Variants in BACH1 observed in about 807,000 individuals in gnomAD.
The protein encoded by BACH1 is BTB domain and CNC homolog 1, also known as transcription regulator protein BACH1.
A neutral mutation model predicts 52.9 loss-of-function variants in BACH1; 35 were observed. The observed-to-expected ratio is 0.66, with a 90% CI of 0.51 to 0.88. The LOEUF (loss-of-function observed/expected upper bound fraction) is 0.88, where lower values mean the gene tolerates loss of function less well. Among genes scored for constraint, BACH1 ranks in the 40% least tolerant of loss-of-function variants. BACH1 has a pLI of 0.00. For synonymous variants in BACH1, 321 were observed against 319.6 expected, an observed-to-expected ratio of 1.00 and a Z score of -0.05; for missense variants, 808 against 872.6, an observed-to-expected ratio of 0.93 and a Z score of 0.93.
chr21:29,355,039 CT>C (rs1217194221), intron 2 of BACH1, among the ~76,000 whole-genome samples: 13 of 152,316 alleles, frequency 8.5e-5, no homozygotes, highest in South Asian at 2.1e-4. Flanking sequence ...AAAGAAAAAG[CT>C]TCCACAGCAT....
chr21:29,340,736 C>G (rs533647118), intron 4 of BACH1, among the ~76,000 whole-genome samples: 1 of 152,102 alleles, frequency 6.6e-6, no homozygotes, highest in Non-Finnish European at 1.5e-5. Context: ...TTGTTTTCAT[C>G]CTCCTTTGGA....
intron 4 of BACH1, among the ~76,000 whole-genome samples, chr21:29,330,188 G>A (rs1177505152): frequency 6.6e-6 from 1 of 152,112 alleles, no homozygotes; most frequent in Non-Finnish European, 1.5e-5. Context: ...TTTTTGAGAT[G>A]GAGTCTTGCT....
At chr21:29,352,547 G>A (rs949924779) in intron 2 of BACH1, 3 of 151,896 alleles carry the variant, frequency 2.0e-5, no homozygotes, top group Non-Finnish European at 4.4e-5. Flanking sequence ...TCACCGCATT[G>A]AATGCCTTCT....
At position 29,321,354 on chromosome 21, in the gene BACH1, A is replaced by G; in HGVS notation, c.74A>G (p.Asn25Ser). ...AGCACCAATGTTTTACTCAGCCTTAATGACCAGCGGAAGAAAGATGTGCTG... is the reference window on the plus strand; with the variant it reads ...AGCACCAATGTTTTACTCAGCCTTAGTGACCAGCGGAAGAAAGATGTGCTG... ...VHSTNVLLSL[N>S]DQRKKDVLCD... The change falls in exon 2 of 5, where the codon AAT (asparagine) becomes AGT (serine). Residue 25 changes from asparagine (N) to serine (S), a missense_variant. Physicochemically the swap from Asn to Ser is conservative, Grantham distance 46. Coordinates refer to ENST00000286800, the MANE Select transcript of BACH1 (RefSeq NM_001186.4). 1 of 1,614,202 alleles carries G rather than the reference A, an allele frequency of 6.2e-7. No homozygotes were observed. Among genetic ancestry groups the G allele is most frequent in the Non-Finnish European group, 8.5e-7 (1 of 1,180,032 alleles).
At position 29,326,075 on chromosome 21, in the gene BACH1, T is replaced by C. The variant is rs1482992879; in HGVS notation, c.251T>C (p.Phe84Ser). The change falls in exon 3 of 5, where the codon TTT (phenylalanine) becomes TCT (serine). Residue 84 changes from phenylalanine to serine, a missense_variant. Phe to Ser is a radical substitution (Grantham distance 155, BLOSUM62 -2). Transcript: ENST00000286800. ...TLPEEVTVKG[F>S]EPLIQFAYTA... ...TATCAACAGGTGACAGTTAAAGGATTTGAACCTTTAATTCAGTTTGCCTAC... is the reference window on the plus strand; with the variant it reads ...TATCAACAGGTGACAGTTAAAGGATCTGAACCTTTAATTCAGTTTGCCTAC... 6.2e-7 allele frequency: 1 copy of C among 1,607,472 alleles called. No individual in the cohort carries two copies. The highest frequency in any genetic ancestry group is 8.5e-7 in the Non-Finnish European group (1 of 1,177,294).
chr21:29,338,462 T>A (rs1207577584), intron 4 of BACH1, among the ~76,000 whole-genome samples: 2 of 152,120 alleles, frequency 1.3e-5, no homozygotes, highest in South Asian at 2.1e-4. Flanking sequence ...CAGCCTTGAC[T>A]TCTTGGGATC....
intron 1 of BACH1, among the ~76,000 whole-genome samples, chr21:29,318,285 A>G (rs971473954): frequency 6.6e-6 from 1 of 152,132 alleles, no homozygotes; most frequent in Non-Finnish European, 1.5e-5. Context: ...CGATGGAGAG[A>G]GGTGGACCCC....
At chr21:29,355,244 C>T (rs2123491713) in intron 2 of BACH1, among the ~76,000 whole-genome samples, 1 of 152,184 alleles carries the variant, frequency 6.6e-6, no homozygotes, top group South Asian at 2.1e-4. Flanking sequence ...ACACAGAGTG[C>T]TGATTGGTCC....
Position 29,342,597 on chromosome 21 carries a change from A to C in BACH1, c.1975A>C (p.Thr659Pro), listed in dbSNP as rs1037146648. The C allele has an allele frequency of 5.6e-6, 9 of 1,614,208 alleles. No individual in the cohort carries two copies. Among genetic ancestry groups the C allele is most frequent in the Non-Finnish European group, 7.6e-6 (9 of 1,180,042 alleles). The stretch of plus-strand genomic sequence containing the variant: ...TTTAATTTCTGAAAAAGATAAAAGT[A>C]CTCCTGATGGTGAACTGGCGTTACC... ...SFLISEKDKS[T>P]PDGELALPSI... Residue 659 changes from threonine to proline, a missense_variant, in exon 5 of 5, where the codon ACT (threonine) becomes CCT (proline). Coordinates refer to ENST00000286800, the MANE Select transcript of BACH1 (RefSeq NM_001186.4).
intron 1 of BACH1, among the ~76,000 whole-genome samples, chr21:29,302,108 G>C (rs1360535505): frequency 6.6e-6 from 1 of 152,122 alleles, no homozygotes; most frequent in Non-Finnish European, 1.5e-5. Context: ...CTAATTTTCT[G>C]ACTAATGTTC....
intron 2 of BACH1, chr21:29,358,942 T>C (rs1259133568): frequency 1.3e-5 from 2 of 152,100 alleles, no homozygotes; most frequent in Non-Finnish European, 2.9e-5. Context: ...AAAATAGCTT[T>C]TATGCTTTGG....
chr21:29,328,786 G>C (rs2088946869), intron 3 of BACH1, among the ~76,000 whole-genome samples: 1 of 152,098 alleles, frequency 6.6e-6, no homozygotes, highest in African/African-American at 2.4e-5. Context: ...TCGTATAAGT[G>C]AAATCATGTT....
chr21:29,309,421 G>A (rs759072263), intron 1 of BACH1, among the ~76,000 whole-genome samples: 2 of 152,036 alleles, frequency 1.3e-5, no homozygotes, highest in Non-Finnish European at 2.9e-5. Flanking sequence ...TCCCTCCTCA[G>A]TTTTACCTAT....
At chr21:29,321,561 T>G in intron 2 of BACH1, 47 bp downstream of exon 2, 1 of 1,517,184 alleles carries the variant, frequency 6.6e-7, no homozygotes, top group Non-Finnish European at 9.0e-7. Flanking sequence ...TTTACTTAAG[T>G]TTTTTATGGT....
intron 1 of BACH1, among the ~76,000 whole-genome samples, chr21:29,317,083 T>A (rs2088795943): frequency 6.6e-6 from 1 of 152,222 alleles, no homozygotes; most frequent in African/African-American, 2.4e-5. Context: ...AGCATTAGAT[T>A]CTCACAGGAG....
intron 4 of BACH1, among the ~76,000 whole-genome samples, chr21:29,334,072 A>G (rs1222256855): frequency 6.6e-6 from 1 of 151,622 alleles, no homozygotes; most frequent in Non-Finnish European, 1.5e-5. Context: ...AGCCAGTAAC[A>G]TGACTTTGGT....
chr21:29,299,256 C>T (rs1371615211), intron 1 of BACH1, among the ~76,000 whole-genome samples: 22 of 151,634 alleles, frequency 1.5e-4, no homozygotes, highest in Admixed American at 1.4e-3. Flanking sequence ...CGGGCGGGGG[C>T]TGGGGGCCGC....
At chr21:29,303,151 G>C (rs2088621266) in intron 1 of BACH1, among the ~76,000 whole-genome samples, 2 of 152,148 alleles carry the variant, frequency 1.3e-5, no homozygotes, top group Admixed American at 1.3e-4. Context: ...AAATTTGTAA[G>C]CTAATTAGTT....
At chr21:29,312,771 A>G (rs1355525455) in intron 1 of BACH1, among the ~76,000 whole-genome samples, 4 of 152,190 alleles carry the variant, frequency 2.6e-5, no homozygotes. Context: ...TGCCTAAGTA[A>G]ATGAAGAGAG....
Sources: gnomAD v4.1 joint callset for allele counts (sites outside exome capture counted in the v4.1 genomes callset) on GRCh38, gnomAD v4.1.1 for gene constraint, MANE v1.5 for transcripts, NCBI Gene and HGNC (gene_info 2026-07-23, HGNC 2026-07-21) for gene names.